The following KCNC2 variants were observed in gnomAD, a reference collection of about 807,000 sequenced individuals.
KCNC2 encodes potassium voltage-gated channel subfamily C member 2.
In KCNC2, 21 loss-of-function variants were observed where a neutral mutation model predicts 44.5. The ratio of observed to expected loss-of-function variants is 0.47; its 90% CI spans 0.33 to 0.68. The LOEUF is 0.68. KCNC2 is among the 30% of genes least tolerant of loss of function. The pLI, the probability that KCNC2 is intolerant of heterozygous loss-of-function variation, is 0.01. For missense variants in KCNC2, 589 were observed against 826.2 expected (o/e 0.71, Z 3.52); for synonymous variants, 391 against 339.1 (o/e 1.15, Z -1.68).
chr12:75,086,670 A>AT (rs1565842391), intron 2 of KCNC2, among the ~76,000 whole-genome samples: 41 of 110,904 alleles, frequency 3.7e-4, no homozygotes, highest in African/African-American at 1.6e-3. Flanking sequence ...CAAAAAAAAA[A>AT]AAAAAAAAAA....
chr12:75,103,745 CT>C (rs1450747491), intron 2 of KCNC2, among the ~76,000 whole-genome samples: 4 of 152,110 alleles, frequency 2.6e-5, no homozygotes, highest in South Asian at 2.1e-4. Context: ...CCTATATACA[CT>C]TTTTTCTATA....
At chr12:75,143,745 C>A (rs1434541051) in intron 2 of KCNC2, among the ~76,000 whole-genome samples, 1 of 152,116 alleles carries the variant, frequency 6.6e-6, no homozygotes, top group Non-Finnish European at 1.5e-5. Flanking sequence ...TAAAAAACAT[C>A]TAGTGAGTTG....
chr12:75,067,062 C>T (rs905556331), intron 2 of KCNC2, among the ~76,000 whole-genome samples: 7 of 152,020 alleles, frequency 4.6e-5, no homozygotes, highest in African/African-American at 1.4e-4. Flanking sequence ...ATTAGCCAGC[C>T]GTGGTGGCAT....
intron 2 of KCNC2, among the ~76,000 whole-genome samples, chr12:75,051,712 G>T (rs915864824): frequency 6.6e-6 from 1 of 151,968 alleles, no homozygotes; most frequent in African/African-American, 2.4e-5. Context: ...ATATGATCAA[G>T]TTTTAAACCT....
intron 2 of KCNC2, among the ~76,000 whole-genome samples, chr12:75,146,659 G>C (rs563662898): frequency 1.3e-5 from 2 of 152,308 alleles, no homozygotes; most frequent in African/African-American, 4.8e-5. Flanking sequence ...AATAGAAATA[G>C]AATTGCTAAG....
intron 2 of KCNC2, among the ~76,000 whole-genome samples, chr12:75,206,314 C>A (rs1376519344): frequency 6.6e-6 from 1 of 152,168 alleles, no homozygotes; most frequent in Non-Finnish European, 1.5e-5. Flanking sequence ...TAATTAAAAA[C>A]CATTCACATA....
At chr12:75,154,867 G>C (rs1215026454) in intron 2 of KCNC2, among the ~76,000 whole-genome samples, 1 of 151,922 alleles carries the variant, frequency 6.6e-6, no homozygotes, top group Non-Finnish European at 1.5e-5. Flanking sequence ...TTACAACACA[G>C]CAACTGCCAT....
At position 75,179,421 on chromosome 12, in the gene KCNC2, AGAAAT is replaced by A. The variant is rs763614715; in HGVS notation, c.687+27871_687+27875del. Among the ~76,000 whole-genome samples, 4 of 152,076 alleles carry A rather than the reference AGAAAT, an allele frequency of 2.6e-5. No individual in the cohort carries two copies. The East Asian group carries it at 7.7e-4, about 29-fold the overall frequency. ...TATGCCTTAAATCAGTTAACAAAAA[AGAAAT>A]GAACAAAGTCTTTTGAAAAATCTCA... On this transcript the variant is annotated intron_variant, in intron 2 of 4. Transcript: ENST00000549446.
intron 1 of KCNC2, 118 bp from the exon 2 acceptor site, chr12:75,208,120 G>A (rs1229163356): frequency 1.1e-5 from 13 of 1,160,614 alleles, no homozygotes; most frequent in African/African-American, 6.4e-5. Context: ...CAGGCACGGG[G>A]CAAAGACCCT....
chr12:75,095,533 CCTT>C (rs1006720066), intron 2 of KCNC2, among the ~76,000 whole-genome samples: 5 of 151,790 alleles, frequency 3.3e-5, no homozygotes, highest in African/African-American at 1.2e-4. Context: ...TGTTCCCTCT[CCTT>C]CTTGTTCTCA....
chr12:75,201,579 G>C (rs2031280775), intron 2 of KCNC2, among the ~76,000 whole-genome samples: 1 of 151,730 alleles, frequency 6.6e-6, no homozygotes, highest in African/African-American at 2.4e-5. Context: ...CTGGAGCGTA[G>C]GTCTCTTAGG....
At chr12:75,051,378 C>T in intron 2 of KCNC2, 61 bp from the exon 3 acceptor site, 2 of 950,708 alleles carry the variant, frequency 2.1e-6, no homozygotes, top group Non-Finnish European at 3.1e-6. Context: ...TATGTTGATT[C>T]TAATCTAAAA....
intron 2 of KCNC2, among the ~76,000 whole-genome samples, chr12:75,053,064 T>TAAG (rs1881355572): frequency 6.6e-6 from 1 of 152,146 alleles, no homozygotes; most frequent in Non-Finnish European, 1.5e-5. Context: ...AATCAATCAT[T>TAAG]TGTCGTAACA....
In KCNC2 at chr12:75,042,979, A is replaced by G. The variant is rs759369041; in HGVS notation, c.*126T>C. 2.2e-5 allele frequency: 31 copies of G among 1,430,008 alleles called. No individual in the cohort carries two copies. Among genetic ancestry groups the G allele is most frequent in the Middle Eastern group, 3.7e-4 (2 of 5,394 alleles). 88.6% of individuals were successfully genotyped at this position (1,430,008 alleles called of 1,614,324 possible). A position where few individuals can be genotyped will look rare whatever the true frequency, so the allele number is the denominator to read the frequency against. On this transcript the variant is annotated 3_prime_UTR_variant, in exon 5 of 5. Coordinates refer to ENST00000549446, the MANE Select transcript of KCNC2 (RefSeq NM_139137.4). The stretch of plus-strand genomic sequence containing the variant: ...GGCATTTCTGACTTCAAATTGTAGT[A>G]TCATGCAAGATTTATACTGTATTAA...
At chr12:75,136,046 C>CT (rs1488850500) in intron 2 of KCNC2, among the ~76,000 whole-genome samples, 1 of 151,928 alleles carries the variant, frequency 6.6e-6, no homozygotes, top group African/African-American at 2.4e-5. Context: ...CTCTATTATC[C>CT]TTTTTTTCTT....
At chr12:75,126,621 G>A (rs992372932) in intron 2 of KCNC2, among the ~76,000 whole-genome samples, 2 of 152,096 alleles carry the variant, frequency 1.3e-5, no homozygotes, top group Non-Finnish European at 2.9e-5. Context: ...GAAATAGCAT[G>A]AGACGTGGAA....
At chr12:75,083,128 T>C (rs949053454) in intron 2 of KCNC2, among the ~76,000 whole-genome samples, 1 of 151,324 alleles carries the variant, frequency 6.6e-6, no homozygotes, top group Non-Finnish European at 1.5e-5. Context: ...TTCCAAATTT[T>C]CTAAAATAAA....
intron 2 of KCNC2, among the ~76,000 whole-genome samples, chr12:75,196,238 C>T (rs1447103206): frequency 6.6e-6 from 1 of 152,032 alleles, no homozygotes; most frequent in Non-Finnish European, 1.5e-5. Flanking sequence ...TTGCAATATG[C>T]CTGATTTATA....
intron 2 of KCNC2, among the ~76,000 whole-genome samples, chr12:75,086,052 T>C (rs551825382): frequency 2.0e-5 from 3 of 152,172 alleles, no homozygotes; most frequent in East Asian, 3.9e-4. Flanking sequence ...TCAGCTTTTC[T>C]AGATAAATAT....
Sources: allele counts gnomAD v4.1 joint callset (sites outside exome capture counted in the v4.1 genomes callset), GRCh38; gene constraint gnomAD v4.1.1; transcripts MANE v1.5; gene names NCBI Gene and HGNC (gene_info 2026-07-23, HGNC 2026-07-21).